NFKB1: variants seen among roughly 807,000 people sequenced by gnomAD.
The protein encoded by NFKB1 is nuclear factor kappa B subunit 1.
Under a neutral mutation model 105.1 loss-of-function variants are expected in NFKB1, and 9 were observed. That is an observed-to-expected ratio of 0.09 (90% CI 0.05 to 0.15). NFKB1 has a LOEUF of 0.15. NFKB1 is among the 10% of genes least tolerant of loss of function. The pLI is 1.00. For missense variants in NFKB1, 830 were observed against 1,203.7 expected (o/e 0.69, Z 4.59); for synonymous variants, 440 against 442.2 (o/e 1.00, Z 0.06).
intron 5 of NFKB1, among the ~76,000 whole-genome samples, chr4:102,539,565 G>A (rs1205000375): frequency 6.6e-6 from 1 of 152,152 alleles, no homozygotes; most frequent in East Asian, 1.9e-4. Flanking sequence ...CGGTCTTATG[G>A]CCTCACATCC....
chr4:102,530,462 G>A (rs1380154337), intron 3 of NFKB1, among the ~76,000 whole-genome samples: 2 of 151,790 alleles, frequency 1.3e-5, no homozygotes, highest in African/African-American at 2.4e-5. Flanking sequence ...GTTTAATTTC[G>A]TAAGAGTAAT....
At chr4:102,610,746 A>G (rs760932937) in intron 20 of NFKB1, 47 bp downstream of exon 20, 2 of 1,603,022 alleles carry the variant, frequency 1.2e-6, no homozygotes, top group Non-Finnish European at 1.7e-6. Flanking sequence ...AGGGAGTCAG[A>G]GGTTCAGGAA....
chr4:102,580,372 C>T (rs1038353891), intron 8 of NFKB1, among the ~76,000 whole-genome samples, 163 bp from the exon 9 acceptor site: 8 of 152,064 alleles, frequency 5.3e-5, no homozygotes, highest in South Asian at 2.1e-4. Context: ...AGAAGTGTTC[C>T]GAGAATTTCA....
chr4:102,593,325 A>T (rs4648048), intron 11 of NFKB1, 100 bp from the exon 12 acceptor site: 85 of 1,094,240 alleles, frequency 7.8e-5, no homozygotes, highest in Non-Finnish European at 1.0e-4. Context: ...ATTTCCCTTT[A>T]AGATGTTTAA....
intron 11 of NFKB1, among the ~76,000 whole-genome samples, chr4:102,591,284 T>A (rs1262343654): frequency 6.6e-6 from 1 of 151,900 alleles, no homozygotes; most frequent in Non-Finnish European, 1.5e-5. Context: ...ATGCCTGGCT[T>A]CAAAGCTTTT....
intron 7 of NFKB1, chr4:102,577,834 C>T: frequency 1.0e-6 from 1 of 985,542 alleles, no homozygotes; most frequent in Non-Finnish European, 1.2e-6. Context: ...TTTCATTGTT[C>T]CACTTATAGT....
rs1722164135 is a variant in NFKB1 at position 102,546,681 on chromosome 4, A to G, written c.258+8725A>G. ...ATAATCAAGAAGCTTGGTTTTTAAC[A>G]GCTTCCTAGAGACAAAAGATAAGGC... On this transcript the variant is annotated intron_variant, in intron 5 of 23. Transcript: ENST00000226574. 2.0e-5 allele frequency among the ~76,000 whole-genome samples: 3 copies of G among 152,174 alleles called. 1 individual carries two copies.
chr4:102,584,280 G>A (rs950945883), intron 10 of NFKB1, among the ~76,000 whole-genome samples: 2 of 152,098 alleles, frequency 1.3e-5, no homozygotes, highest in African/African-American at 2.4e-5. Flanking sequence ...TCACTGGCCT[G>A]TAGCCATCTC....
At chr4:102,600,081 C>T (rs931073877) in intron 15 of NFKB1, among the ~76,000 whole-genome samples, 4 of 151,886 alleles carry the variant, frequency 2.6e-5, no homozygotes, top group African/African-American at 4.8e-5. Flanking sequence ...GGACAGAGAA[C>T]GAGAAAAATG....
chr4:102,581,567 T>C (rs1335227171), intron 9 of NFKB1, among the ~76,000 whole-genome samples: 1 of 152,210 alleles, frequency 6.6e-6, no homozygotes, highest in East Asian at 1.9e-4. Flanking sequence ...GGTGGGAGGA[T>C]TGCTTGAACC....
At chr4:102,520,455 G>C (rs532506543) in intron 1 of NFKB1, among the ~76,000 whole-genome samples, 1 of 152,260 alleles carries the variant, frequency 6.6e-6, no homozygotes, top group Non-Finnish European at 1.5e-5. Context: ...CTGTTGGATT[G>C]ACATTCCACT....
chr4:102,574,333 T>C (rs1724632869), intron 6 of NFKB1, among the ~76,000 whole-genome samples: 1 of 152,220 alleles, frequency 6.6e-6, no homozygotes, highest in African/African-American at 2.4e-5. Context: ...GCTCCATGTA[T>C]TACAAGATTT....
intron 6 of NFKB1, 109 bp downstream of exon 6, chr4:102,567,244 G>T: frequency 8.6e-7 from 1 of 1,166,382 alleles, no homozygotes; most frequent in Non-Finnish European, 1.2e-6. Flanking sequence ...GAGACCCTCA[G>T]ATGACCTCAA....
chr4:102,594,133 GTGTAT>G (rs1240875593), intron 12 of NFKB1, among the ~76,000 whole-genome samples: 1 of 152,112 alleles, frequency 6.6e-6, no homozygotes, highest in Non-Finnish European at 1.5e-5. Flanking sequence ...CCATGACTGT[GTGTAT>G]AGAGTCATAG....
intron 8 of NFKB1, among the ~76,000 whole-genome samples, chr4:102,579,809 G>T (rs1208473641): frequency 6.6e-6 from 1 of 151,874 alleles, no homozygotes; most frequent in Non-Finnish European, 1.5e-5. Flanking sequence ...ATAGTACTCA[G>T]ACTCATTGAA....
intron 4 of NFKB1, among the ~76,000 whole-genome samples, chr4:102,536,412 C>T (rs369100028): frequency 3.9e-5 from 6 of 152,064 alleles, no homozygotes; most frequent in East Asian, 1.9e-4. Context: ...TTTCCCAGAC[C>T]GGGGAATTTA....
At chr4:102,507,590 C>A (rs896729697) in intron 1 of NFKB1, among the ~76,000 whole-genome samples, 1 of 152,082 alleles carries the variant, frequency 6.6e-6, no homozygotes, top group African/African-American at 2.4e-5. Flanking sequence ...GCGTGAGCCA[C>A]CTAGCTTGGC....
intron 5 of NFKB1, among the ~76,000 whole-genome samples, chr4:102,544,238 C>G (rs1721956952): frequency 6.6e-6 from 1 of 152,064 alleles, no homozygotes; most frequent in African/African-American, 2.4e-5. Flanking sequence ...TAGCAGCTAT[C>G]TTTTTAAATG....
intron 5 of NFKB1, among the ~76,000 whole-genome samples, chr4:102,542,042 A>G (rs1273882290): frequency 1.3e-5 from 2 of 152,168 alleles, no homozygotes; most frequent in African/African-American, 4.8e-5. Context: ...ACACCAAACT[A>G]TACTTTATAG....
Sources: allele counts gnomAD v4.1 joint callset (sites outside exome capture counted in the v4.1 genomes callset), GRCh38; gene constraint gnomAD v4.1.1; transcripts MANE v1.5; gene names NCBI Gene and HGNC (gene_info 2026-07-23, HGNC 2026-07-21).